Variants in LEKR1 observed in about 807,000 individuals in gnomAD.
LEKR1 encodes the protein leucine, glutamate and lysine rich 1, also known as protein LEKR1.
LEKR1 carries 59 observed loss-of-function variants against 72.4 expected under a neutral mutation model. The ratio of observed to expected loss-of-function variants is 0.82; its 90% CI spans 0.66 to 1.01. The LOEUF is 1.01. LEKR1 is among the 50% of genes least tolerant of loss of function. The pLI, the probability that LEKR1 is intolerant of heterozygous loss-of-function variation, is 0.00. For missense variants in LEKR1, 728 were observed against 759.2 expected (o/e 0.96, Z 0.48); for synonymous variants, 257 against 263.2 (o/e 0.98, Z 0.23).
At chr3:156,994,499 A>G (rs79066946) in intron 9 of LEKR1, among the ~76,000 whole-genome samples, 1 of 152,080 alleles carries the variant, frequency 6.6e-6, no homozygotes, top group African/African-American at 2.4e-5. Flanking sequence ...TCACCCTTCA[A>G]CACCGAAAAT....
At chr3:156,975,735 C>A (rs903272359) in intron 6 of LEKR1, among the ~76,000 whole-genome samples, 1 of 152,152 alleles carries the variant, frequency 6.6e-6, no homozygotes, top group Non-Finnish European at 1.5e-5. Context: ...CATTTAAAAT[C>A]ATTTACTTCT....
intron 9 of LEKR1, among the ~76,000 whole-genome samples, chr3:157,010,778 G>A (rs191621387): frequency 2.4e-4 from 37 of 151,966 alleles, no homozygotes; most frequent in Non-Finnish European, 4.1e-4. Context: ...CCATCCAGAG[G>A]ATCACAAGCT....
chr3:157,000,477 G>A (rs1731918933), intron 9 of LEKR1, among the ~76,000 whole-genome samples: 1 of 152,098 alleles, frequency 6.6e-6, no homozygotes, highest in Non-Finnish European at 1.5e-5. Context: ...CTTGACCACT[G>A]TTAAGCTTGG....
At chr3:156,904,308 T>A (rs1722315476) in intron 3 of LEKR1, among the ~76,000 whole-genome samples, 1 of 152,130 alleles carries the variant, frequency 6.6e-6, no homozygotes, top group Non-Finnish European at 1.5e-5. Flanking sequence ...ATGGAGATTT[T>A]AGTTTTTCTA....
At chr3:156,932,884 G>A (rs1205891001) in intron 5 of LEKR1, among the ~76,000 whole-genome samples, 2 of 151,912 alleles carry the variant, frequency 1.3e-5, no homozygotes, top group African/African-American at 4.8e-5. Flanking sequence ...CAAAAAATTA[G>A]CCAGGCGTGG....
chr3:157,042,692 T>A (rs1324687354), intron 12 of LEKR1, among the ~76,000 whole-genome samples: 1 of 152,236 alleles, frequency 6.6e-6, no homozygotes, highest in Non-Finnish European at 1.5e-5. Context: ...TATTTTTCTT[T>A]TAAGAAGAGC....
chr3:156,926,085 G>T (rs569503701), intron 4 of LEKR1, among the ~76,000 whole-genome samples: 1 of 151,700 alleles, frequency 6.6e-6, no homozygotes, highest in African/African-American at 2.4e-5. Flanking sequence ...AAAGTTCTTG[G>T]GTTATTTGAT....
intron 5 of LEKR1, 95 bp downstream of exon 5, chr3:156,927,699 A>T: frequency 2.2e-6 from 1 of 456,752 alleles, no homozygotes; most frequent in Non-Finnish European, 3.4e-6. Flanking sequence ...TTTGATGGGA[A>T]TTAGGATTAA....
At chr3:156,924,120 A>G (rs774245061) in intron 4 of LEKR1, among the ~76,000 whole-genome samples, 1 of 152,088 alleles carries the variant, frequency 6.6e-6, no homozygotes, top group Non-Finnish European at 1.5e-5. Context: ...TAGTTTCTCC[A>G]TGTTTTTGTC....
At chr3:156,834,880 TAAC>T (rs1244030051) in intron 2 of LEKR1, among the ~76,000 whole-genome samples, 1 of 152,150 alleles carries the variant, frequency 6.6e-6, no homozygotes, top group Non-Finnish European at 1.5e-5. Context: ...AAACTATACT[TAAC>T]AAAGATTTCT....
intron 6 of LEKR1, among the ~76,000 whole-genome samples, chr3:156,965,034 A>G (rs1728447041): frequency 6.6e-6 from 1 of 152,080 alleles, no homozygotes; most frequent in Admixed American, 6.6e-5. Context: ...GAAAAATCTC[A>G]TTATAACTTA....
In LEKR1 at chr3:156,832,674, T is replaced by G. The variant is rs1188983090; in HGVS notation, c.48+3297T>G. Among the ~76,000 whole-genome samples the G allele has an allele frequency of 2.0e-5, 3 of 152,364 alleles. No individual in the cohort carries two copies. The East Asian group carries it at 5.8e-4, about 29-fold the overall frequency. ...CCTGTATGAATTGGGTGAATTTCTC[T>G]CTTCTTGAGGTCCCACAATAACTTG... On this transcript the variant is annotated intron_variant, in intron 2 of 12. Transcript: ENST00000356539.
At chr3:156,891,313 G>T (rs17382119) in intron 3 of LEKR1, among the ~76,000 whole-genome samples, 7,658 of 152,190 alleles carry the variant, frequency 0.05, 242 homozygotes, top group Non-Finnish European at 0.078. Context: ...TAAGAAAAAA[G>T]CATGTGCATT....
intron 5 of LEKR1, among the ~76,000 whole-genome samples, chr3:156,939,069 T>A (rs1725973074): frequency 6.6e-6 from 1 of 152,222 alleles, no homozygotes; most frequent in African/African-American, 2.4e-5. Context: ...ATAACAAATA[T>A]TCTAAAATAT....
intron 5 of LEKR1, among the ~76,000 whole-genome samples, chr3:156,930,840 TG>T (rs1209011457): frequency 6.6e-6 from 1 of 152,128 alleles, no homozygotes; most frequent in East Asian, 1.9e-4. Flanking sequence ...CAAATTGTGC[TG>T]GTATGACTGA....
intron 6 of LEKR1, among the ~76,000 whole-genome samples, chr3:156,944,021 G>A (rs970881479): frequency 6.7e-6 from 1 of 150,354 alleles, no homozygotes; most frequent in South Asian, 2.1e-4. Flanking sequence ...TTCTACATTT[G>A]ATTTTTTTCA....
chr3:156,904,430 T>C (rs950142165), intron 3 of LEKR1, among the ~76,000 whole-genome samples: 1 of 151,050 alleles, frequency 6.6e-6, no homozygotes, highest in East Asian at 1.9e-4. Flanking sequence ...TTTTTTTTTT[T>C]ACTTTTTAAA....
intron 3 of LEKR1, among the ~76,000 whole-genome samples, chr3:156,910,916 G>T (rs1165222700): frequency 6.6e-6 from 1 of 152,140 alleles, no homozygotes; most frequent in Non-Finnish European, 1.5e-5. Flanking sequence ...TCTCCAAACT[G>T]CTTTCCACAG....
At chr3:157,020,208 C>A in intron 10 of LEKR1, among the ~76,000 whole-genome samples, 1 of 151,348 alleles carries the variant, frequency 6.6e-6, no homozygotes, top group Non-Finnish European at 1.5e-5. Context: ...CTTTTCTTCC[C>A]TGAATATTTT....
Sources: allele counts gnomAD v4.1 joint callset (sites outside exome capture counted in the v4.1 genomes callset), GRCh38; gene constraint gnomAD v4.1.1; transcripts MANE v1.5; gene names NCBI Gene and HGNC (gene_info 2026-07-23, HGNC 2026-07-21).